The following RPS6KA1 variants were observed in gnomAD, a reference collection of about 807,000 sequenced individuals.
RPS6KA1 encodes ribosomal protein S6 kinase alpha-1.
Under a neutral mutation model 91.3 loss-of-function variants are expected in RPS6KA1, and 48 were observed. The observed-to-expected ratio is 0.53, with a 90% confidence interval of 0.42 to 0.67. The LOEUF is 0.67. Ranked by LOEUF, RPS6KA1 falls within the 30% of genes least tolerant of loss-of-function variation. RPS6KA1 has a pLI of 0.00. For synonymous variants in RPS6KA1, 359 were observed against 384.7 expected (o/e 0.93, Z 0.78); for missense variants, 719 against 960.5 (o/e 0.75, Z 3.32).
chr1:26,561,712 A>T lies in RPS6KA1; in HGVS notation c.1590+49A>T. 1.3e-6 allele frequency: 2 copies of T among 1,532,856 alleles called. No individual in the cohort carries two copies. The highest frequency in any genetic ancestry group is 1.8e-6 in the Non-Finnish European group (2 of 1,135,140). 95.0% of individuals were successfully genotyped at this position (1,532,856 alleles called of 1,614,324 possible). On this transcript the variant is annotated intron_variant, in intron 17 of 21. Transcript: ENST00000374168. The surrounding 1 kb of genome is among the most constrained non-coding windows in gnomAD (Gnocchi z 5.7). Reference sequence around the variant, plus strand: ...GTAGGGGGATGCCAAGGGTCATATCATCAGCAGAGAACATGAACCACCTGC... The same window carrying T: ...GTAGGGGGATGCCAAGGGTCATATCTTCAGCAGAGAACATGAACCACCTGC...
At position 26,555,080 on chromosome 1, in the gene RPS6KA1, C is replaced by A; in HGVS notation, c.757-71C>A. 1 of 1,465,636 alleles carries A rather than the reference C, an allele frequency of 6.8e-7. No homozygotes were observed. Among genetic ancestry groups the A allele is most frequent in the Non-Finnish European group, 9.5e-7 (1 of 1,049,076 alleles). The allele number at this position is 1,465,636 out of a possible 1,614,324, so 90.8% of individuals were successfully genotyped here. A position where few individuals can be genotyped will look rare whatever the true frequency, so the allele number is the denominator to read the frequency against. On this transcript the variant is annotated intron_variant, in intron 9 of 21. Transcript: ENST00000374168. The surrounding 1 kb of genome is among the most constrained non-coding windows in gnomAD (Gnocchi z 4.3). ...AATCCTGGGACTGGGGCAGAGGGGT[C>A]TGACTGGGAGGAGGCGGGAGGTGTG... is the stretch of plus-strand genomic sequence containing the variant.
chr1:26,530,948 G>A, intron 1 of RPS6KA1: 1 of 1,157,724 alleles, frequency 8.6e-7, no homozygotes, highest in Non-Finnish European at 1.1e-6. Context: ...TGCAGGGAGG[G>A]AATGGAGACC....
intron 2 of RPS6KA1, chr1:26,543,105 A>G: frequency 1.3e-6 from 2 of 1,530,842 alleles, no homozygotes; most frequent in East Asian, 2.5e-5. Flanking sequence ...GGAAGGCTAA[A>G]AAAAGCAGAA....
chr1:26,563,632 T>C (rs1418693544), intron 17 of RPS6KA1, among the ~76,000 whole-genome samples: 1 of 152,210 alleles, frequency 6.6e-6, no homozygotes, highest in Non-Finnish European at 1.5e-5. Flanking sequence ...GCCTCCACAA[T>C]TAGACCTCCC....
At chr1:26,572,762 C>A (rs2076260717) in intron 20 of RPS6KA1, among the ~76,000 whole-genome samples, 1 of 152,198 alleles carries the variant, frequency 6.6e-6, no homozygotes, top group Non-Finnish European at 1.5e-5. Context: ...CATTGGGAAC[C>A]TGTATGCCAG....
rs757845175 is a variant in RPS6KA1 at position 26,555,750 on chromosome 1, G to A, written c.916+125G>A. ...GTCCTTTGTGTGGGCAGACAATGCC[G>A]CGGGCCACCCTGCTTTCTGGCTCCA... On this transcript the variant is annotated intron_variant, in intron 11 of 21. Coordinates refer to ENST00000374168, the MANE Select transcript of RPS6KA1 (RefSeq NM_002953.4). This position sits in a 1 kb window ranked among gnomAD's most constrained non-coding sequence, Gnocchi z 4.3. 332 of 918,478 alleles carry A rather than the reference G, an allele frequency of 3.6e-4. 4 individuals carry two copies. Among genetic ancestry groups the A allele is most frequent in the Middle Eastern group, 2.5e-3 (8 of 3,214 alleles). 56.9% of individuals were successfully genotyped at this position (918,478 alleles called of 1,614,324 possible).
chr1:26,543,290 G>T (rs1230759434), intron 2 of RPS6KA1: 44 of 1,234,972 alleles, frequency 3.6e-5, no homozygotes, highest in African/African-American at 8.9e-5. Context: ...GGGTTTGGGG[G>T]TGGCTCTGTC....
chr1:26,568,743 T>TC (rs1379333012), intron 17 of RPS6KA1, among the ~76,000 whole-genome samples: 5 of 151,624 alleles, frequency 3.3e-5, no homozygotes, highest in South Asian at 2.1e-4. Context: ...AAAGCAAAAC[T>TC]CCATCTCAGA....
chr1:26,569,157 G>A (rs1357465446), intron 17 of RPS6KA1, among the ~76,000 whole-genome samples: 3 of 144,234 alleles, frequency 2.1e-5, no homozygotes, highest in Non-Finnish European at 4.5e-5. Flanking sequence ...TGCTGCTGGC[G>A]AGACTCCATC....
rs957188732 is a variant in RPS6KA1, at chr1:26,558,733, C to A, written c.1085-74C>A. The A allele has an allele frequency of 2.4e-5, 37 of 1,529,164 alleles. No individual in the cohort carries two copies. Among genetic ancestry groups the A allele is most frequent in the Non-Finnish European group, 3.3e-5 (37 of 1,126,536 alleles). The allele number at this position is 1,529,164 out of a possible 1,614,324, so 94.7% of individuals were successfully genotyped here. ...GAGGCAGGTCTGGAGGCCCTGTGCT[C>A]CCCCTTTGCTGGGCTGCCTCAGGGT... On this transcript the variant is annotated intron_variant, in intron 13 of 21. Transcript: ENST00000374168. This position sits in a 1 kb window ranked among gnomAD's most constrained non-coding sequence, Gnocchi z 4.0.
intron 2 of RPS6KA1, among the ~76,000 whole-genome samples, chr1:26,542,416 G>A (rs1001838919): frequency 1.3e-5 from 2 of 152,248 alleles, no homozygotes; most frequent in Non-Finnish European, 2.9e-5. Flanking sequence ...TCTGCATAGG[G>A]GTTGTCTGCG....
intron 2 of RPS6KA1, among the ~76,000 whole-genome samples, chr1:26,546,355 C>T (rs1418882717): frequency 6.6e-6 from 1 of 152,212 alleles, no homozygotes; most frequent in Non-Finnish European, 1.5e-5. Flanking sequence ...TGCCCCAGGC[C>T]AGCACTTACC....
rs1447746026 is a variant in RPS6KA1 at position 26,573,226 on chromosome 1, C to T, written c.1950C>T (p.Asp650=). Reference sequence around the variant, plus strand: ...CCCCTTGCCCACTGTGTCCCCAGGACCTGGTGTCCAAGATGCTACACGTGG... The same window carrying T: ...CCCCTTGCCCACTGTGTCCCCAGGATCTGGTGTCCAAGATGCTACACGTGG... ...NWNTVSETAK[D]LVSKMLHVDP... is the part of the protein sequence containing the mutation. Residue 650 remains aspartate (D), a splice_region_variant and synonymous_variant, in exon 21 of 22, where the codon GAC becomes GAT. Transcript: ENST00000374168. 1.2e-6 allele frequency: 2 copies of T among 1,614,012 alleles called. No homozygotes were observed. Among genetic ancestry groups the T allele is most frequent in the Admixed American group, 3.3e-5 (2 of 60,020 alleles).
At chr1:26,556,511 T>C (rs2076102826) in intron 11 of RPS6KA1, 143 bp from the exon 12 acceptor site, 2 of 775,974 alleles carry the variant, frequency 2.6e-6, no homozygotes, top group Admixed American at 4.2e-5. Flanking sequence ...GGGTGATGGC[T>C]GGGTAGATTT....
rs753240206 is a variant in RPS6KA1 at position 26,551,349 on chromosome 1, T to A, written c.308-48T>A. 1.3e-6 allele frequency: 2 copies of A among 1,535,226 alleles called. No homozygotes were observed. The highest frequency in any genetic ancestry group is 1.8e-6 in the Non-Finnish European group (2 of 1,109,066). On this transcript the variant is annotated intron_variant, in intron 4 of 21. Coordinates refer to ENST00000374168, the MANE Select transcript of RPS6KA1 (RefSeq NM_002953.4). The surrounding 1 kb of genome is among the most constrained non-coding windows in gnomAD (Gnocchi z 4.5). Reference sequence around the variant, plus strand: ...CCCTTAGCGGGGGCTTGGGAGTGGCTGTGTTGAGTGTCTAGGCTACTGGTG... The same window carrying A: ...CCCTTAGCGGGGGCTTGGGAGTGGCAGTGTTGAGTGTCTAGGCTACTGGTG...
At chr1:26,560,495 G>A (rs1339002499) in intron 14 of RPS6KA1, among the ~76,000 whole-genome samples, 4 of 152,220 alleles carry the variant, frequency 2.6e-5, no homozygotes, top group Admixed American at 2.6e-4. Flanking sequence ...TCTGACCACA[G>A]GCTGCAGTCC....
rs575998723 is a variant in RPS6KA1 at position 26,546,184 on chromosome 1, G to C, written c.109-683G>C. On this transcript the variant is annotated intron_variant, in intron 2 of 21. Transcript: ENST00000374168. ...TGGACCCTGCCCAGACTTGCTTCCTGGGGAAGTGAGGAGGCACTTCAGGGC... is the reference window on the plus strand; with the variant it reads ...TGGACCCTGCCCAGACTTGCTTCCTCGGGAAGTGAGGAGGCACTTCAGGGC... 39 of 877,692 alleles carry C rather than the reference G, an allele frequency of 4.4e-5. No individual in the cohort carries two copies. The East Asian group carries it at 1.1e-3, about 25-fold the overall frequency. 54.4% of individuals were successfully genotyped at this position (877,692 alleles called of 1,614,324 possible).
Position 26,551,568 on chromosome 1 carries a change from G to C in RPS6KA1, c.389-76G>C, listed in dbSNP as rs1408181108. On this transcript the variant is annotated intron_variant, in intron 5 of 21. Coordinates refer to ENST00000374168, the MANE Select transcript of RPS6KA1 (RefSeq NM_002953.4). The surrounding 1 kb of genome is among the most constrained non-coding windows in gnomAD (Gnocchi z 4.5). ...CACTGTCCCACCGCCTGCCTGGCAG[G>C]CCAAGGGAGCCAGGGCCGGAGAAGC... The C allele has an allele frequency of 1.3e-6, 2 of 1,596,462 alleles. No homozygotes were observed. Among genetic ancestry groups the C allele is most frequent in the East Asian group, 4.5e-5 (2 of 44,792 alleles).
At chr1:26,532,203 G>T (rs895585337) in intron 1 of RPS6KA1, among the ~76,000 whole-genome samples, 1 of 152,142 alleles carries the variant, frequency 6.6e-6, no homozygotes, top group Admixed American at 6.5e-5. Context: ...GATTCTGCCT[G>T]GGCCTCGCTT....
Sources: gnomAD v4.1 joint callset for allele counts (sites outside exome capture counted in the v4.1 genomes callset) on GRCh38, gnomAD v4.1.1 for gene constraint, Gnocchi (gnomAD v3.1) non-coding constraint, MANE v1.5 for transcripts, NCBI Gene and HGNC (gene_info 2026-07-23, HGNC 2026-07-21) for gene names.